CCDC158: variants seen among roughly 807,000 people sequenced by gnomAD.
CCDC158 encodes coiled-coil domain-containing protein 158.
CCDC158 carries 116 observed loss-of-function variants against 138.6 expected under a neutral mutation model. That is an observed-to-expected ratio of 0.84 (90% confidence interval 0.72 to 0.98). CCDC158 has a LOEUF of 0.98. Ranked by LOEUF, CCDC158 falls within the 50% of genes least tolerant of loss-of-function variation. The probability of loss-of-function intolerance (pLI) is 0.00; values close to 1 mark genes in which losing one functional copy is unlikely to be tolerated. For missense variants in CCDC158, 1,265 were observed against 1,306.1 expected (o/e 0.97, Z 0.48); for synonymous variants, 436 against 442.4 (o/e 0.99, Z 0.18).
intron 13 of CCDC158, among the ~76,000 whole-genome samples, chr4:76,358,938 G>A (rs1448997242): frequency 6.6e-6 from 1 of 152,106 alleles, no homozygotes; most frequent in Non-Finnish European, 1.5e-5. Flanking sequence ...TCTGTGTTCT[G>A]ACCCAAATCG....
At chr4:76,375,748 C>T in intron 9 of CCDC158, 1 of 611,054 alleles carries the variant, frequency 1.6e-6, no homozygotes, top group Non-Finnish European at 2.9e-6. Context: ...TACAGTAAAA[C>T]ACTTTTGTAA....
rs567731135 is a variant in CCDC158 at position 76,355,008 on chromosome 4, A to G, written c.2286+316T>C. Reference sequence around the variant, plus strand: ...TGTTCCCATAAGCCCTGTGGTTTTTATTACACAATTTTGCATAGCACAGCG... The same window carrying G: ...TGTTCCCATAAGCCCTGTGGTTTTTGTTACACAATTTTGCATAGCACAGCG... On this transcript the variant is annotated intron_variant, in intron 15 of 24. Transcript: ENST00000682701. 3.9e-5 allele frequency among the ~76,000 whole-genome samples: 6 copies of G among 152,204 alleles called. No individual in the cohort carries two copies. The South Asian group carries it at 1.2e-3, about 32-fold the overall frequency.
At position 76,369,480 on chromosome 4, in the gene CCDC158, C is replaced by T. The variant is rs770832667; in HGVS notation, c.1293G>A (p.Leu431=). ...TCTTCAAGGCCTTGAGCAGGGCTTC[C>T]AGGCGCTGCACCTCCATGTTCCGGT... The part of the protein sequence containing the change: ...LDNRNMEVQR[L]EALLKALKSE... Residue 431 remains leucine (L), a synonymous_variant, in exon 11 of 25, where the codon CTG becomes CTA. Transcript: ENST00000682701. 13 of 1,614,070 alleles carry T rather than the reference C, an allele frequency of 8.1e-6. No individual in the cohort carries two copies. The Admixed American group carries it at 1.0e-4, about 12-fold the overall frequency.
chr4:76,371,939 C>CAAA (rs539607968), intron 9 of CCDC158, among the ~76,000 whole-genome samples: 2,984 of 65,310 alleles, frequency 0.046, 123 homozygotes, highest in African/African-American at 0.14. Flanking sequence ...ACTACATCTC[C>CAAA]AAAAAAAAAA....
intron 24 of CCDC158, among the ~76,000 whole-genome samples, chr4:76,315,529 T>C (rs1719302929): frequency 6.6e-6 from 1 of 152,160 alleles, no homozygotes; most frequent in Admixed American, 6.5e-5. Context: ...TAACTCATGA[T>C]AGAAATGATA....
At chr4:76,380,707 C>T (rs982521241) in intron 8 of CCDC158, among the ~76,000 whole-genome samples, 17 of 150,944 alleles carry the variant, frequency 1.1e-4, no homozygotes, top group African/African-American at 2.7e-4. Flanking sequence ...CAGAAATTTG[C>T]ATAAGAAGAG....
intron 24 of CCDC158, among the ~76,000 whole-genome samples, chr4:76,322,746 A>G (rs1318351480): frequency 6.6e-6 from 1 of 152,200 alleles, no homozygotes; most frequent in Non-Finnish European, 1.5e-5. Context: ...GGTACTTAGA[A>G]CTTATGCCCA....
chr4:76,357,561 T>C, intron 13 of CCDC158, 35 bp from the exon 14 acceptor site: 2 of 1,317,132 alleles, frequency 1.5e-6, no homozygotes, highest in Non-Finnish European at 2.0e-6. Flanking sequence ...AGATGGTTAC[T>C]TTTTTCTATC....
At chr4:76,383,972 AT>A (rs1384366751) in intron 6 of CCDC158, 115 bp downstream of exon 6, 1 of 855,222 alleles carries the variant, frequency 1.2e-6, no homozygotes, top group East Asian at 2.7e-5. Context: ...AACTTCTGTT[AT>A]TTCAGAAAAA....
chr4:76,335,356 AC>A (rs1721383796), intron 18 of CCDC158, among the ~76,000 whole-genome samples: 1 of 152,172 alleles, frequency 6.6e-6, no homozygotes, highest in Non-Finnish European at 1.5e-5. Context: ...ATATTCACTC[AC>A]CTTAGTTATA....
intron 9 of CCDC158, among the ~76,000 whole-genome samples, chr4:76,373,111 A>T (rs1231920151): frequency 6.6e-6 from 1 of 152,202 alleles, no homozygotes; most frequent in Non-Finnish European, 1.5e-5. Flanking sequence ...AGCCTCCCAA[A>T]GTGCTGGGAT....
chr4:76,339,758 CTG>C (rs1225459905), intron 18 of CCDC158, among the ~76,000 whole-genome samples: 1 of 152,228 alleles, frequency 6.6e-6, no homozygotes, highest in Non-Finnish European at 1.5e-5. Context: ...AGTTTATGCA[CTG>C]TGTCTTCCAT....
chr4:76,413,162 A>G (rs556163654), intron 1 of CCDC158, among the ~76,000 whole-genome samples: 26 of 152,182 alleles, frequency 1.7e-4, no homozygotes, highest in African/African-American at 6.0e-4. Flanking sequence ...GATTTTTGGA[A>G]TATCTCGGTG....
chr4:76,381,063 T>G (rs138704772), intron 8 of CCDC158, among the ~76,000 whole-genome samples: 4 of 152,352 alleles, frequency 2.6e-5, no homozygotes, highest in African/African-American at 9.6e-5. Context: ...TGCCTGGATG[T>G]CCAGGCAGAC....
At position 76,362,168 on chromosome 4, in the gene CCDC158, T is replaced by C; in HGVS notation, c.1978A>G (p.Asn660Asp). The C allele has an allele frequency of 6.2e-7, 1 of 1,614,024 alleles. No individual in the cohort carries two copies. Reference protein sequence around the residue: ...DIKQERDQLLNEVKTSRSELN... With the variant: ...DIKQERDQLLDEVKTSRSELN... ...TCACTCCTACTTGTTTTCACCTCAT[T>C]TAATAATTGATCTCTCTCTTGTTTG... The change falls in exon 13 of 25, where the codon AAT becomes GAT. Residue 660 changes from asparagine (N) to aspartate (D), a missense_variant. Transcript: ENST00000682701.
chr4:76,345,005 C>G (rs1722405669), intron 18 of CCDC158: 21 of 1,410,838 alleles, frequency 1.5e-5, no homozygotes, highest in Non-Finnish European at 1.9e-5. Flanking sequence ...CTTCTTTGAG[C>G]AAGAGAAGAA....
intron 1 of CCDC158, among the ~76,000 whole-genome samples, chr4:76,413,742 A>G (rs1013719656): frequency 2.6e-5 from 4 of 152,174 alleles, no homozygotes; most frequent in Admixed American, 2.0e-4. Flanking sequence ...AATCTTCTCC[A>G]GTTTGGACAT....
intron 23 of CCDC158, among the ~76,000 whole-genome samples, chr4:76,324,816 T>C (rs930946788): frequency 3.6e-4 from 55 of 152,200 alleles, no homozygotes; most frequent in African/African-American, 1.2e-3. Flanking sequence ...CTGTTCATCC[T>C]TTCTGAGGCA....
At chr4:76,358,638 C>T (rs1723819202) in intron 13 of CCDC158, among the ~76,000 whole-genome samples, 1 of 152,126 alleles carries the variant, frequency 6.6e-6, no homozygotes, top group South Asian at 2.1e-4. Context: ...TCCCTTGCAC[C>T]CCTTTTTCAC....
Sources: gnomAD v4.1 joint callset for allele counts (sites outside exome capture counted in the v4.1 genomes callset) on GRCh38, gnomAD v4.1.1 for gene constraint, MANE v1.5 for transcripts, NCBI Gene and HGNC (gene_info 2026-07-23, HGNC 2026-07-21) for gene names.